The following ZNF385D variants were observed in gnomAD, a reference collection of about 807,000 sequenced individuals.
ZNF385D encodes the protein zinc finger protein 659.
Under a neutral mutation model 35.8 loss-of-function variants are expected in ZNF385D, and 15 were observed. The ratio of observed to expected loss-of-function variants is 0.42; its 90% CI spans 0.28 to 0.64. The LOEUF is 0.64. Among genes scored for constraint, ZNF385D ranks in the 30% least tolerant of loss-of-function variants. ZNF385D has a pLI of 0.23. For missense variants in ZNF385D, 474 were observed against 494.6 expected (o/e 0.96, Z 0.39); for synonymous variants, 212 against 186.8 (o/e 1.13, Z -1.10).
At chr3:21,512,082 G>A (rs938368563) in intron 3 of ZNF385D, among the ~76,000 whole-genome samples, 8 of 145,344 alleles carry the variant, frequency 5.5e-5, no homozygotes, top group African/African-American at 2.0e-4. Flanking sequence ...GGGAGGCAGA[G>A]GTTGCAGTGA....
At chr3:22,355,205 C>T (rs1333919578) in intron 2 of ZNF385D, among the ~76,000 whole-genome samples, 1 of 151,962 alleles carries the variant, frequency 6.6e-6, no homozygotes, top group African/African-American at 2.4e-5. Flanking sequence ...CAACTATAAA[C>T]TTATCATCAA....
At chr3:21,486,796 T>G (rs1306622707) in intron 4 of ZNF385D, among the ~76,000 whole-genome samples, 1 of 152,114 alleles carries the variant, frequency 6.6e-6, no homozygotes, top group Non-Finnish European at 1.5e-5. Context: ...CAGGAAAATA[T>G]CTAGAGTGCT....
At chr3:21,547,273 C>A (rs1440984337) in intron 3 of ZNF385D, among the ~76,000 whole-genome samples, 1 of 152,266 alleles carries the variant, frequency 6.6e-6, no homozygotes, top group Non-Finnish European at 1.5e-5. Flanking sequence ...AACCTGCCAG[C>A]AAAAGCATAG....
intron 3 of ZNF385D, among the ~76,000 whole-genome samples, chr3:21,929,547 TA>T (rs1388432910): frequency 6.6e-6 from 1 of 152,032 alleles, no homozygotes; most frequent in Non-Finnish European, 1.5e-5. Flanking sequence ...ATTATTTATG[TA>T]GAACATTCTA....
chr3:22,199,466 T>C (rs1354716582), intron 2 of ZNF385D, among the ~76,000 whole-genome samples: 1 of 152,068 alleles, frequency 6.6e-6, no homozygotes, highest in Non-Finnish European at 1.5e-5. Context: ...GCCATGGTAA[T>C]ATTAGGTTCA....
intron 3 of ZNF385D, among the ~76,000 whole-genome samples, chr3:21,982,257 T>G (rs540291592): frequency 3.7e-4 from 56 of 152,212 alleles, no homozygotes; most frequent in African/African-American, 1.3e-3. Flanking sequence ...CTTTGAGCAA[T>G]GTTTTGTAAT....
intron 3 of ZNF385D, among the ~76,000 whole-genome samples, chr3:22,010,116 A>C (rs1696475906): frequency 6.6e-6 from 1 of 152,168 alleles, no homozygotes; most frequent in South Asian, 2.1e-4. Flanking sequence ...AAGAAAAAAA[A>C]ATCTACAAGA....
intron 2 of ZNF385D, among the ~76,000 whole-genome samples, chr3:22,246,981 T>G (rs552268688): frequency 2.0e-5 from 3 of 152,022 alleles, no homozygotes; most frequent in African/African-American, 7.2e-5. Context: ...TATAGATACA[T>G]TCATTTAAAT....
At chr3:21,558,416 G>A (rs1304778705) in intron 3 of ZNF385D, among the ~76,000 whole-genome samples, 3 of 151,810 alleles carry the variant, frequency 2.0e-5, no homozygotes, top group South Asian at 2.1e-4. Flanking sequence ...TTATTCACCC[G>A]GTAGTCATTC....
chr3:21,749,027 C>T (rs1410768459), intron 1 of ZNF385D, among the ~76,000 whole-genome samples: 3 of 152,116 alleles, frequency 2.0e-5, no homozygotes. Context: ...TTCCTGAATA[C>T]ATAGGATTTC....
At position 22,290,820 on chromosome 3, in the gene ZNF385D, G is replaced by A. The variant is rs145353523; in HGVS notation, c.106+81630C>T. 1.8e-3 allele frequency among the ~76,000 whole-genome samples: 281 copies of A among 152,214 alleles called. 4 individuals are homozygous for A. The highest frequency in any genetic ancestry group is 5.7e-3 in the African/African-American group (238 of 41,552). ...TGGAACAGGGAGAGTCAGTAGCCTCGTATTCCATGTTGCTGATGTCATCCT... is the reference window on the plus strand; with the variant it reads ...TGGAACAGGGAGAGTCAGTAGCCTCATATTCCATGTTGCTGATGTCATCCT... On this transcript the variant is annotated intron_variant, in intron 2 of 5. Coordinates refer to the ZNF385D transcript ENST00000494108.
At chr3:21,734,215 T>C (rs542156238) in intron 1 of ZNF385D, among the ~76,000 whole-genome samples, 40 of 151,986 alleles carry the variant, frequency 2.6e-4, no homozygotes, top group Non-Finnish European at 5.0e-4. Flanking sequence ...TACTGATTCC[T>C]GGGCTCTATC....
chr3:22,179,306 T>C (rs1335947593), intron 2 of ZNF385D, among the ~76,000 whole-genome samples: 1 of 152,222 alleles, frequency 6.6e-6, no homozygotes, highest in African/African-American at 2.4e-5. Flanking sequence ...TTCACATCCC[T>C]TGTAAGTTGG....
chr3:22,027,451 G>T (rs1697629946), intron 3 of ZNF385D, among the ~76,000 whole-genome samples: 1 of 152,164 alleles, frequency 6.6e-6, no homozygotes, highest in African/African-American at 2.4e-5. Flanking sequence ...CAAGCCTTTG[G>T]CAGGTCCCCA....
intron 3 of ZNF385D, chr3:22,168,773 A>C (rs1413184508): frequency 4.1e-6 from 4 of 971,104 alleles, no homozygotes; most frequent in African/African-American, 1.8e-5. Flanking sequence ...AAATAACTTA[A>C]ATTGATGATG....
chr3:21,895,634 C>T (rs531628722), intron 3 of ZNF385D, among the ~76,000 whole-genome samples: 1 of 151,976 alleles, frequency 6.6e-6, no homozygotes, highest in South Asian at 2.1e-4. Context: ...AGCCACCATG[C>T]CTGGCCCACT....
intron 1 of ZNF385D, among the ~76,000 whole-genome samples, chr3:21,706,228 A>C (rs539260977): frequency 6.6e-6 from 1 of 152,248 alleles, no homozygotes; most frequent in Admixed American, 6.5e-5. Flanking sequence ...GGCAAAACAA[A>C]ACTCTTGTTG....
In ZNF385D at chr3:22,357,742, A is replaced by G. The variant is rs1447885830; in HGVS notation, c.106+14708T>C. Among the ~76,000 whole-genome samples, 4 of 151,982 alleles carry G rather than the reference A, an allele frequency of 2.6e-5. No homozygotes were observed. In the East Asian group the frequency reaches 7.8e-4, roughly 29 times the overall value. On this transcript the variant is annotated intron_variant, in intron 2 of 5. Coordinates refer to the ZNF385D transcript ENST00000494108. ...GGAGTACTGTTTGTCTCTGACAAGA[A>G]AAGGGAACTTTAGCAAATCACACAC...
intron 3 of ZNF385D, among the ~76,000 whole-genome samples, chr3:21,898,148 G>A (rs1699228179): frequency 6.6e-6 from 1 of 152,042 alleles, no homozygotes; most frequent in South Asian, 2.1e-4. Flanking sequence ...TACTTTTGAG[G>A]CCAATTTATT....
Sources: allele counts gnomAD v4.1 joint callset (sites outside exome capture counted in the v4.1 genomes callset), GRCh38; gene constraint gnomAD v4.1.1; transcripts MANE v1.5; gene names NCBI Gene and HGNC (gene_info 2026-07-23, HGNC 2026-07-21).